AGMO: variants seen among roughly 807,000 people sequenced by gnomAD.
AGMO encodes alkylglycerol monooxygenase.
Under a neutral mutation model 60.2 loss-of-function variants are expected in AGMO, and 75 were observed. The observed-to-expected ratio is 1.25, with a 90% CI of 1.03 to 1.51. The LOEUF (loss-of-function observed/expected upper bound fraction) is 1.51, where lower values mean the gene tolerates loss of function less well. Ranked by LOEUF, AGMO falls within the 40% of genes most tolerant of loss-of-function variation. AGMO has a pLI of 0.00. For synonymous variants in AGMO, 261 were observed against 177.1 expected, an observed-to-expected ratio of 1.47 and a Z score of -3.76; for missense variants, 763 against 525.5, an observed-to-expected ratio of 1.45 and a Z score of -4.42.
the AGMO span, among the ~76,000 whole-genome samples, chr7:15,190,397 C>T: frequency 6.6e-6 from 1 of 151,602 alleles, no homozygotes; most frequent in Non-Finnish European, 1.5e-5. Flanking sequence ...CCTTTATAAG[C>T]ACACAGAGAG....
the AGMO span, among the ~76,000 whole-genome samples, chr7:15,144,794 C>T: frequency 6.6e-6 from 1 of 152,088 alleles, no homozygotes; most frequent in African/African-American, 2.4e-5. Context: ...CCAGTGGAGG[C>T]AGAACAAGTG....
At chr7:15,426,526 A>G (rs1346522295) in intron 4 of AGMO, among the ~76,000 whole-genome samples, 1 of 152,090 alleles carries the variant, frequency 6.6e-6, no homozygotes, top group East Asian at 1.9e-4. Context: ...AGGCAGGCGG[A>G]TCACTTGAGG....
the AGMO span, among the ~76,000 whole-genome samples, chr7:15,129,695 C>T: frequency 3.9e-5 from 6 of 152,106 alleles, no homozygotes; most frequent in Admixed American, 1.3e-4. Flanking sequence ...AATTTCATAT[C>T]CATCCAATTG....
At chr7:15,346,674 T>C (rs1206854567) in intron 12 of AGMO, among the ~76,000 whole-genome samples, 1 of 151,806 alleles carries the variant, frequency 6.6e-6, no homozygotes, top group Admixed American at 6.6e-5. Context: ...CATTTTATTT[T>C]AATCAAGATG....
At chr7:15,501,591 T>G (rs7456375) in intron 3 of AGMO, among the ~76,000 whole-genome samples, 113,388 of 151,804 alleles carry the variant, frequency 0.75, 43,814 homozygotes, top group East Asian at 0.96. Context: ...CAGAGGAAGA[T>G]GAGAGGTGAA....
At chr7:15,456,022 G>A (rs1256366629) in intron 3 of AGMO, among the ~76,000 whole-genome samples, 1 of 151,830 alleles carries the variant, frequency 6.6e-6, no homozygotes, top group Non-Finnish European at 1.5e-5. Flanking sequence ...GTTTTTTGGA[G>A]AAAAACATGT....
At position 15,561,874 on chromosome 7, in the gene AGMO, G is replaced by A; in HGVS notation, c.-29C>T. 1 of 1,578,066 alleles carries A rather than the reference G, an allele frequency of 6.3e-7. No homozygotes were observed. Among genetic ancestry groups the A allele is most frequent in the South Asian group, 1.2e-5 (1 of 86,830 alleles). ...TGCCCTTGTCTGATTCCCAGCTGGA[G>A]AATATTTAGGATTCAATGCTTGAAG... On this transcript the variant is annotated 5_prime_UTR_variant, in exon 1 of 13. Transcript: ENST00000342526.
intron 3 of AGMO, among the ~76,000 whole-genome samples, chr7:15,489,984 T>C (rs555715228): frequency 6.6e-6 from 1 of 152,210 alleles, no homozygotes; most frequent in African/African-American, 2.4e-5. Flanking sequence ...AAGTGAATTA[T>C]TTTTAGAATT....
the AGMO span, among the ~76,000 whole-genome samples, chr7:15,153,229 AT>A: frequency 4.0e-5 from 6 of 149,978 alleles, no homozygotes; most frequent in East Asian, 1.2e-3. Context: ...CTCTTTGTAG[AT>A]TGTGCATATT....
At chr7:15,537,247 A>G (rs1410835483) in intron 3 of AGMO, among the ~76,000 whole-genome samples, 1 of 152,038 alleles carries the variant, frequency 6.6e-6, no homozygotes, top group African/African-American at 2.4e-5. Context: ...ATTGTTTCAC[A>G]AAGCTAGAAG....
chr7:15,156,357 C>T, the AGMO span, among the ~76,000 whole-genome samples: 7 of 70,292 alleles, frequency 1.0e-4, no homozygotes, highest in East Asian at 4.5e-3. Flanking sequence ...GAGAGGCTGG[C>T]GGATAGGGGG....
At chr7:15,478,130 T>C (rs1782644863) in intron 3 of AGMO, among the ~76,000 whole-genome samples, 1 of 152,158 alleles carries the variant, frequency 6.6e-6, no homozygotes, top group African/African-American at 2.4e-5. Context: ...TCAATACTCA[T>C]GGATGACTTT....
intron 12 of AGMO, among the ~76,000 whole-genome samples, chr7:15,339,070 C>T (rs115450093): frequency 0.011 from 1,632 of 152,280 alleles, 36 homozygotes; most frequent in African/African-American, 0.038. Flanking sequence ...AGTAGCGGAA[C>T]TGCAAGCTAT....
chr7:15,431,610 G>C (rs1294697101), intron 3 of AGMO, among the ~76,000 whole-genome samples: 1 of 151,732 alleles, frequency 6.6e-6, no homozygotes, highest in African/African-American at 2.4e-5. Context: ...AAATCTGTTG[G>C]AATAAGAAGA....
chr7:15,303,657 G>T (rs954311084), intron 12 of AGMO, among the ~76,000 whole-genome samples: 3 of 152,116 alleles, frequency 2.0e-5, no homozygotes, highest in Non-Finnish European at 2.9e-5. Context: ...TGCCATAAAA[G>T]AATGTGAGGA....
At chr7:15,463,418 A>T (rs1280238767) in intron 3 of AGMO, among the ~76,000 whole-genome samples, 1 of 152,220 alleles carries the variant, frequency 6.6e-6, no homozygotes, top group Non-Finnish European at 1.5e-5. Context: ...AGATTTTTCC[A>T]GAACCTCTCT....
intron 12 of AGMO, among the ~76,000 whole-genome samples, chr7:15,350,697 C>CA (rs755681206): frequency 5.3e-5 from 8 of 152,108 alleles, no homozygotes; most frequent in Non-Finnish European, 1.2e-4. Context: ...TATTTTACCT[C>CA]AGAGAAAAGG....
At chr7:15,431,700 A>C (rs1444945936) in intron 3 of AGMO, among the ~76,000 whole-genome samples, 2 of 151,888 alleles carry the variant, frequency 1.3e-5, no homozygotes, top group African/African-American at 4.8e-5. Context: ...ACAGTTACCT[A>C]TGGTTTTCCC....
chr7:15,379,884 ACGTT>A (rs1783607735), intron 10 of AGMO, among the ~76,000 whole-genome samples: 1 of 152,164 alleles, frequency 6.6e-6, no homozygotes, highest in Non-Finnish European at 1.5e-5. Flanking sequence ...GTGATTCATT[ACGTT>A]AACAGAACTA....
Sources: allele counts gnomAD v4.1 joint callset (sites outside exome capture counted in the v4.1 genomes callset), GRCh38; gene constraint gnomAD v4.1.1; transcripts MANE v1.5; gene names NCBI Gene and HGNC (gene_info 2026-07-23, HGNC 2026-07-21).